Variants in ASTN2 observed in about 807,000 individuals in gnomAD.
ASTN2 encodes astrotactin 2.
ASTN2 carries 54 observed loss-of-function variants against 139.8 expected under a neutral mutation model. The ratio of observed to expected loss-of-function variants is 0.39; its 90% CI spans 0.31 to 0.48. The LOEUF (loss-of-function observed/expected upper bound fraction) is 0.48, where lower values mean the gene tolerates loss of function less well. ASTN2 is among the 20% of genes least tolerant of loss of function. The pLI, the probability that ASTN2 is intolerant of heterozygous loss-of-function variation, is 0.95. For synonymous variants in ASTN2, 756 were observed against 719.5 expected, an observed-to-expected ratio of 1.05 and a Z score of -0.81; for missense variants, 1,565 against 1,725.1, an observed-to-expected ratio of 0.91 and a Z score of 1.64.
At chr9:117,123,393 C>A (rs899918194) in intron 4 of ASTN2, among the ~76,000 whole-genome samples, 2 of 152,008 alleles carry the variant, frequency 1.3e-5, no homozygotes, top group African/African-American at 4.8e-5. Context: ...CCAGGTTTTG[C>A]CACTGACCAT....
chr9:116,929,361 T>G (rs12551186), intron 10 of ASTN2, among the ~76,000 whole-genome samples: 1 of 152,030 alleles, frequency 6.6e-6, no homozygotes, highest in Non-Finnish European at 1.5e-5. Context: ...CTAGCTACAA[T>G]GCATTCCTTT....
intron 1 of ASTN2, among the ~76,000 whole-genome samples, chr9:117,308,983 AGCTTT>A (rs1827877176): frequency 1.3e-5 from 2 of 152,218 alleles, no homozygotes; most frequent in Non-Finnish European, 2.9e-5. Flanking sequence ...TCCATAAGTC[AGCTTT>A]TACCACTATG....
intron 20 of ASTN2, 100 bp from the exon 21 acceptor site, chr9:116,442,653 G>A: frequency 1.1e-6 from 1 of 922,230 alleles, no homozygotes; most frequent in Non-Finnish European, 1.8e-6. Flanking sequence ...GAGGCTACAG[G>A]AAAAATGATT....
chr9:116,538,773 A>G (rs1254329332), intron 19 of ASTN2, among the ~76,000 whole-genome samples: 1 of 152,196 alleles, frequency 6.6e-6, no homozygotes, highest in Non-Finnish European at 1.5e-5. Context: ...AGCAAATATC[A>G]TCACCTGTGC....
intron 4 of ASTN2, among the ~76,000 whole-genome samples, chr9:117,123,483 T>C (rs1829611217): frequency 1.3e-5 from 2 of 152,258 alleles, no homozygotes; most frequent in South Asian, 4.1e-4. Flanking sequence ...TAATAATATA[T>C]ACACTATGAA....
chr9:116,666,949 C>CTTTTTTTTTTTTTTT (rs34835904), intron 16 of ASTN2, among the ~76,000 whole-genome samples: 16 of 70,358 alleles, frequency 2.3e-4, no homozygotes, highest in Non-Finnish European at 3.2e-4. Context: ...TTTATTTATT[C>CTTTTTTTTTTTTTTT]TTTTTTTTTT....
intron 3 of ASTN2, among the ~76,000 whole-genome samples, chr9:117,201,292 A>G (rs1335612492): frequency 6.6e-6 from 1 of 151,812 alleles, no homozygotes; most frequent in African/African-American, 2.4e-5. Context: ...CTAGCAGTCT[A>G]TCTATTTTGT....
chr9:116,471,128 C>T (rs186947909), intron 20 of ASTN2, among the ~76,000 whole-genome samples: 122 of 152,078 alleles, frequency 8.0e-4, no homozygotes, highest in African/African-American at 2.8e-3. Flanking sequence ...CTTCTTTGCC[C>T]CTTTGCTCTC....
intron 2 of ASTN2, among the ~76,000 whole-genome samples, chr9:117,238,610 A>T (rs1380494945): frequency 2.0e-5 from 3 of 152,186 alleles, no homozygotes; most frequent in Non-Finnish European, 4.4e-5. Flanking sequence ...ACCTTCAGTG[A>T]TGAGAAACTG....
At chr9:116,496,098 C>G (rs969251883) in intron 19 of ASTN2, among the ~76,000 whole-genome samples, 8 of 152,192 alleles carry the variant, frequency 5.3e-5, no homozygotes, top group African/African-American at 1.7e-4. Flanking sequence ...GCCACTCAGT[C>G]TACAGGAGCA....
At chr9:116,770,558 T>C (rs1372333) in intron 13 of ASTN2, among the ~76,000 whole-genome samples, 63,988 of 152,034 alleles carry the variant, frequency 0.42, 14,661 homozygotes, top group Non-Finnish European at 0.52. Context: ...TCCCTGGCTC[T>C]TTCTCTATAC....
chr9:117,013,926 T>A (rs1837603880), intron 6 of ASTN2, among the ~76,000 whole-genome samples: 1 of 152,180 alleles, frequency 6.6e-6, no homozygotes, highest in African/African-American at 2.4e-5. Flanking sequence ...AAGGCTCTGG[T>A]CACAGTGGCA....
chr9:117,397,138 TCA>T (rs1295110134), intron 1 of ASTN2, among the ~76,000 whole-genome samples: 1 of 152,008 alleles, frequency 6.6e-6, no homozygotes, highest in Non-Finnish European at 1.5e-5. Flanking sequence ...AGACGGTGTT[TCA>T]CCATGCTGGC....
At chr9:116,506,733 C>T (rs1285268901) in intron 19 of ASTN2, among the ~76,000 whole-genome samples, 7 of 152,158 alleles carry the variant, frequency 4.6e-5, no homozygotes, top group Admixed American at 2.6e-4. Context: ...GAGTAATTTC[C>T]GCTCTATAAA....
At chr9:117,197,857 A>T (rs959461795) in intron 3 of ASTN2, among the ~76,000 whole-genome samples, 2 of 152,002 alleles carry the variant, frequency 1.3e-5, no homozygotes, top group African/African-American at 4.8e-5. Context: ...TAGATTGGTA[A>T]TTTTTTTCCT....
chr9:117,286,787 G>A (rs542636288), intron 2 of ASTN2, among the ~76,000 whole-genome samples: 3 of 152,194 alleles, frequency 2.0e-5, no homozygotes, highest in African/African-American at 7.2e-5. Context: ...CAAATGTTTT[G>A]TGCACCTGGA....
At chr9:116,649,999 C>A (rs181569263) in intron 17 of ASTN2, among the ~76,000 whole-genome samples, 3 of 152,184 alleles carry the variant, frequency 2.0e-5, no homozygotes, top group Non-Finnish European at 4.4e-5. Flanking sequence ...ACTTTCCCTA[C>A]CTCCTTTCTC....
chr9:117,162,695 G>T (rs1367749813), intron 3 of ASTN2, among the ~76,000 whole-genome samples: 1 of 152,010 alleles, frequency 6.6e-6, no homozygotes, highest in African/African-American at 2.4e-5. Context: ...TGTACAAAGG[G>T]TGTTGTGAGG....
intron 2 of ASTN2, among the ~76,000 whole-genome samples, chr9:117,290,907 A>C (rs1331949972): frequency 6.6e-6 from 1 of 152,220 alleles, no homozygotes; most frequent in African/African-American, 2.4e-5. Flanking sequence ...TGACACATCA[A>C]GGGTACTTAG....
Sources: allele counts gnomAD v4.1 joint callset (sites outside exome capture counted in the v4.1 genomes callset), GRCh38; gene constraint gnomAD v4.1.1; transcripts MANE v1.5; gene names NCBI Gene and HGNC (gene_info 2026-07-23, HGNC 2026-07-21).